The following NCKAP5 variants were observed in gnomAD, a reference collection of about 807,000 sequenced individuals.
NCKAP5 encodes the protein nck-associated protein 5.
A neutral mutation model predicts 167.0 loss-of-function variants in NCKAP5; 92 were observed. That is an observed-to-expected ratio of 0.55 (90% CI 0.47 to 0.66). NCKAP5 has a LOEUF of 0.66. Among genes scored for constraint, NCKAP5 ranks in the 30% least tolerant of loss-of-function variants. NCKAP5 has a pLI of 0.00. For missense variants in NCKAP5, 2,378 were observed against 2,315.0 expected, an observed-to-expected ratio of 1.03 and a Z score of -0.56; for synonymous variants, 891 against 877.4, an observed-to-expected ratio of 1.02 and a Z score of -0.27.
At chr2:132,808,380 TCTGGTCCTG>T (rs1402086178) in intron 11 of NCKAP5, among the ~76,000 whole-genome samples, 3 of 152,044 alleles carry the variant, frequency 2.0e-5, no homozygotes, top group Non-Finnish European at 4.4e-5. Flanking sequence ...TATGAATCCA[TCTGGTCCTG>T]AACTTTTTTT....
At chr2:132,944,062 T>A (rs971940111) in intron 8 of NCKAP5, among the ~76,000 whole-genome samples, 1 of 152,142 alleles carries the variant, frequency 6.6e-6, no homozygotes, top group South Asian at 2.1e-4. Flanking sequence ...TATGGAGAAA[T>A]GAGGTCATTC....
chr2:133,192,455 G>A (rs1326316839), intron 5 of NCKAP5, among the ~76,000 whole-genome samples: 7 of 151,992 alleles, frequency 4.6e-5, no homozygotes, highest in Admixed American at 3.9e-4. Context: ...CATGTTAAGA[G>A]GATGTAAATC....
At chr2:132,769,023 C>T (rs2104921158) in intron 16 of NCKAP5, among the ~76,000 whole-genome samples, 1 of 149,942 alleles carries the variant, frequency 6.7e-6, no homozygotes, top group South Asian at 2.1e-4. Context: ...TGGCTTACTG[C>T]ACCCTGGACC....
intron 6 of NCKAP5, among the ~76,000 whole-genome samples, chr2:133,112,862 G>C (rs1024156798): frequency 5.3e-5 from 8 of 152,352 alleles, no homozygotes; most frequent in African/African-American, 1.7e-4. Context: ...CTGTCTCATA[G>C]CTGACTGTTT....
intron 4 of NCKAP5, among the ~76,000 whole-genome samples, chr2:133,233,452 C>T (rs1292630325): frequency 6.6e-6 from 1 of 151,976 alleles, no homozygotes; most frequent in Non-Finnish European, 1.5e-5. Context: ...ATAAAAAAAT[C>T]AAAAGAGTAT....
At chr2:133,632,368 C>T in the NCKAP5 span, among the ~76,000 whole-genome samples, 6 of 152,082 alleles carry the variant, frequency 3.9e-5, no homozygotes, top group South Asian at 2.1e-4. Context: ...AAGAAAAAGC[C>T]CCAAGGCTGC....
chr2:133,366,009 C>T (rs933300957), intron 3 of NCKAP5, among the ~76,000 whole-genome samples: 2 of 152,132 alleles, frequency 1.3e-5, no homozygotes, highest in African/African-American at 4.8e-5. Context: ...ATTTCAGTTA[C>T]AGACACTTTT....
intron 3 of NCKAP5, among the ~76,000 whole-genome samples, chr2:133,337,159 G>A (rs574247312): frequency 4.6e-5 from 7 of 152,228 alleles, no homozygotes; most frequent in South Asian, 2.1e-4. Flanking sequence ...ATGCCAGTAG[G>A]ACAATTTTAA....
At position 133,249,998 on chromosome 2, in the gene NCKAP5, T is replaced by TTTTTTATTATTA. The variant is rs143273928; in HGVS notation, c.144-36220_144-36219insTAATAATAAAAA. ...AACATGTAAAGCCACCACCAAGGGT[T>TTTTTTATTATTA]TTATTATTATTATTATTATTATTAT... On this transcript the variant is annotated intron_variant, in intron 4 of 19. Transcript: ENST00000409261. Among the ~76,000 whole-genome samples, 284 of 138,216 alleles carry TTTTTTATTATTA rather than the reference T, an allele frequency of 2.1e-3. 1 individual carries two copies. The highest frequency in any genetic ancestry group is 2.4e-3 in the Non-Finnish European group (153 of 65,058). 90.7% of individuals were successfully genotyped at this position (138,216 alleles called of 152,430 possible).
intron 8 of NCKAP5, among the ~76,000 whole-genome samples, chr2:132,959,455 T>C (rs1573552501): frequency 6.6e-6 from 1 of 152,104 alleles, no homozygotes; most frequent in South Asian, 2.1e-4. Flanking sequence ...AGAAGCTGAG[T>C]ATCAGAGATG....
At chr2:133,405,435 G>A (rs1688362842) in intron 3 of NCKAP5, among the ~76,000 whole-genome samples, 1 of 152,146 alleles carries the variant, frequency 6.6e-6, no homozygotes, top group Admixed American at 6.5e-5. Context: ...TCAACCAAAA[G>A]CACAAAAATG....
intron 19 of NCKAP5, among the ~76,000 whole-genome samples, chr2:132,721,832 T>G (rs1193964374): frequency 6.6e-6 from 1 of 152,190 alleles, no homozygotes; most frequent in African/African-American, 2.4e-5. Flanking sequence ...ACATCCTCTT[T>G]TAAAGGCAGG....
At chr2:132,985,974 G>T (rs1314472242) in intron 7 of NCKAP5, among the ~76,000 whole-genome samples, 2 of 152,018 alleles carry the variant, frequency 1.3e-5, no homozygotes, top group South Asian at 2.1e-4. Flanking sequence ...CAGAATTTTA[G>T]ATTTCTTTTC....
At chr2:133,452,313 G>A (rs1419826764) in intron 3 of NCKAP5, among the ~76,000 whole-genome samples, 1 of 152,154 alleles carries the variant, frequency 6.6e-6, no homozygotes, top group Non-Finnish European at 1.5e-5. Flanking sequence ...GAGGCTCCTT[G>A]CTTGGGAAAG....
chr2:133,392,056 T>A (rs1377085757), intron 3 of NCKAP5, among the ~76,000 whole-genome samples: 1 of 152,196 alleles, frequency 6.6e-6, no homozygotes, highest in South Asian at 2.1e-4. Flanking sequence ...CCATCCCACA[T>A]ACACACACTG....
At chr2:133,463,891 A>G (rs1354182463) in intron 3 of NCKAP5, among the ~76,000 whole-genome samples, 1 of 152,188 alleles carries the variant, frequency 6.6e-6, no homozygotes, top group African/African-American at 2.4e-5. Context: ...GTTTTCCTTG[A>G]GGTTCTTGCA....
intron 18 of NCKAP5, 26 bp downstream of exon 18, chr2:132,728,790 A>T: frequency 6.2e-7 from 1 of 1,611,982 alleles, no homozygotes; most frequent in South Asian, 1.1e-5. Context: ...GGTGGATTGC[A>T]CCCTTCACCT....
chr2:133,499,861 G>A (rs1005081549), intron 3 of NCKAP5, among the ~76,000 whole-genome samples: 2 of 152,150 alleles, frequency 1.3e-5, no homozygotes, highest in African/African-American at 4.8e-5. Context: ...CCTGGCCCCA[G>A]TGTTCTCATT....
At chr2:133,012,348 C>T (rs1435491204) in intron 6 of NCKAP5, among the ~76,000 whole-genome samples, 2 of 152,088 alleles carry the variant, frequency 1.3e-5, no homozygotes, top group Non-Finnish European at 2.9e-5. Flanking sequence ...CCCAGGTTCC[C>T]GCCATTATCC....
Sources: allele counts gnomAD v4.1 joint callset (sites outside exome capture counted in the v4.1 genomes callset), GRCh38; gene constraint gnomAD v4.1.1; transcripts MANE v1.5; gene names NCBI Gene and HGNC (gene_info 2026-07-23, HGNC 2026-07-21).